CCDC93: variants seen among roughly 807,000 people sequenced by gnomAD.
The protein encoded by CCDC93 is CCC complex scaffolding subunit CCDC93.
A neutral mutation model predicts 108.2 loss-of-function variants in CCDC93; 61 were observed. The ratio of observed to expected loss-of-function variants is 0.56; its 90% CI spans 0.46 to 0.70. CCDC93 has a LOEUF of 0.70. Among genes scored for constraint, CCDC93 ranks in the 30% least tolerant of loss-of-function variants. CCDC93 has a pLI of 0.00. For missense variants in CCDC93, 685 were observed against 764.2 expected (o/e 0.90, Z 1.22); for synonymous variants, 276 against 260.4 (o/e 1.06, Z -0.58).
At chr2:117,986,684 C>T (rs921516716) in intron 6 of CCDC93, among the ~76,000 whole-genome samples, 39 of 152,054 alleles carry the variant, frequency 2.6e-4, no homozygotes, top group African/African-American at 6.8e-4. Context: ...TATACAGTTT[C>T]GAGCATACAG....
intron 23 of CCDC93, among the ~76,000 whole-genome samples, chr2:117,929,114 G>T (rs1021121141): frequency 4.0e-5 from 6 of 151,062 alleles, no homozygotes; most frequent in Admixed American, 1.3e-4. Flanking sequence ...CTGTTGTGGG[G>T]TGGGGGGAGG....
intron 11 of CCDC93, among the ~76,000 whole-genome samples, chr2:117,971,457 T>A (rs1447058161): frequency 1.3e-5 from 2 of 152,126 alleles, no homozygotes; most frequent in Non-Finnish European, 2.9e-5. Context: ...ATTTAGGATG[T>A]GATCTGACAA....
intron 11 of CCDC93, among the ~76,000 whole-genome samples, chr2:117,963,591 C>T (rs1035071318): frequency 6.6e-6 from 1 of 152,186 alleles, no homozygotes; most frequent in Non-Finnish European, 1.5e-5. Context: ...ATTTCAAAAA[C>T]CCATAGTTAT....
At chr2:117,996,687 C>T (rs902846860) in intron 4 of CCDC93, 3 of 200,972 alleles carry the variant, frequency 1.5e-5, no homozygotes, top group African/African-American at 7.0e-5. Context: ...AATGAAATCA[C>T]AAGTAGTAGA....
intron 13 of CCDC93, chr2:117,950,686 C>A (rs866898330): frequency 1.0e-6 from 1 of 985,286 alleles, no homozygotes. Context: ...GAACCAGGCC[C>A]AGAGGTGAAA....
chr2:117,949,240 G>T, intron 14 of CCDC93, 82 bp downstream of exon 14: 1 of 938,330 alleles, frequency 1.1e-6, no homozygotes, highest in South Asian at 1.3e-5. Flanking sequence ...GCTTTGTTCT[G>T]TGTTTAAACA....
intron 11 of CCDC93, among the ~76,000 whole-genome samples, chr2:117,961,606 T>G (rs1401261031): frequency 6.6e-6 from 1 of 152,226 alleles, no homozygotes; most frequent in Non-Finnish European, 1.5e-5. Flanking sequence ...AATTTTTTGT[T>G]TCTCAAAGCC....
Position 117,973,988 on chromosome 2 carries a change from G to A in CCDC93, c.808C>T (p.Leu270Phe), listed in dbSNP as rs1449527706. The A allele has an allele frequency of 1.9e-6, 3 of 1,607,784 alleles. No individual in the cohort carries two copies. Among genetic ancestry groups the A allele is most frequent in the Admixed American group, 3.4e-5 (2 of 59,520 alleles). The change falls in exon 11 of 24, where the codon CTC (leucine) becomes TTC (phenylalanine). Residue 270 changes from leucine to phenylalanine, a missense_variant. Leu to Phe is a conservative substitution (Grantham distance 22, BLOSUM62 0). Transcript: ENST00000376300. The stretch of plus-strand genomic sequence containing the variant: ...ATCTGGCCCACGGAGCTTGCGGTGA[G>A]ACGGCTCTGCAAGTATATGGAGGGA... ...MTAMANEESR[L>F]TASSVGQIVG...
chr2:117,976,934 C>CTTTT (rs34472456), intron 8 of CCDC93, among the ~76,000 whole-genome samples: 1 of 118,258 alleles, frequency 8.5e-6, no homozygotes, highest in African/African-American at 3.3e-5. Context: ...AATAACCAAT[C>CTTTT]TTTTTTTTTT....
At chr2:117,943,965 T>C (rs1341949537) in intron 18 of CCDC93, 59 bp downstream of exon 18, 9 of 1,168,986 alleles carry the variant, frequency 7.7e-6, no homozygotes, top group African/African-American at 4.7e-5. Context: ...AGTTATGTCA[T>C]AGGACATTTA....
intron 20 of CCDC93, among the ~76,000 whole-genome samples, chr2:117,938,252 G>A (rs1238860279): frequency 1.3e-5 from 2 of 152,104 alleles, no homozygotes; most frequent in Non-Finnish European, 2.9e-5. Flanking sequence ...TCTGACTGAC[G>A]CCAAAGCCCG....
intron 23 of CCDC93, among the ~76,000 whole-genome samples, chr2:117,927,699 G>C (rs1678169590): frequency 6.6e-6 from 1 of 152,106 alleles, no homozygotes; most frequent in Admixed American, 6.5e-5. Context: ...GTAATTTATA[G>C]ATTCAATGCC....
intron 4 of CCDC93, 109 bp downstream of exon 4, chr2:118,000,712 C>A: frequency 1.5e-6 from 1 of 672,004 alleles, no homozygotes; most frequent in Non-Finnish European, 2.6e-6. Context: ...ATCTAAGCCA[C>A]ACCCATTACA....
chr2:117,922,642 G>A (rs1163648305), intron 23 of CCDC93, among the ~76,000 whole-genome samples: 1 of 152,188 alleles, frequency 6.6e-6, no homozygotes, highest in East Asian at 1.9e-4. Context: ...ACAATGTTGT[G>A]TTTTCCATGA....
At chr2:117,948,601 TATC>T (rs1678949147) in intron 14 of CCDC93, among the ~76,000 whole-genome samples, 1 of 152,212 alleles carries the variant, frequency 6.6e-6, no homozygotes, top group African/African-American at 2.4e-5. Flanking sequence ...ACAATAAAAA[TATC>T]AACTATCTGA....
chr2:117,920,979 T>C (rs9308758), intron 23 of CCDC93, among the ~76,000 whole-genome samples: 92,295 of 151,494 alleles, frequency 0.61, 28,711 homozygotes, highest in African/African-American at 0.72. Context: ...GTCAGGAGAG[T>C]GAGACCATCC....
chr2:117,982,478 G>C (rs542005369), intron 7 of CCDC93, among the ~76,000 whole-genome samples: 1 of 152,036 alleles, frequency 6.6e-6, no homozygotes, highest in African/African-American at 2.4e-5. Flanking sequence ...AGTCCTTAAG[G>C]CCTTCAGCAT....
intron 4 of CCDC93, chr2:117,996,812 A>C (rs1207896945): frequency 6.5e-6 from 1 of 154,500 alleles, no homozygotes; most frequent in Non-Finnish European, 1.4e-5. Flanking sequence ...ACGACAGACC[A>C]GGGAAAAGGG....
chr2:117,933,427 G>C (rs1392410521), intron 22 of CCDC93, among the ~76,000 whole-genome samples: 1 of 152,178 alleles, frequency 6.6e-6, no homozygotes, highest in African/African-American at 2.4e-5. Flanking sequence ...CCCTAGGTCT[G>C]TGAAGTGCTT....
Sources: allele counts gnomAD v4.1 joint callset (sites outside exome capture counted in the v4.1 genomes callset), GRCh38; gene constraint gnomAD v4.1.1; transcripts MANE v1.5; gene names NCBI Gene and HGNC (gene_info 2026-07-23, HGNC 2026-07-21).